PLGRKT: variants seen among roughly 807,000 people sequenced by gnomAD.
The protein encoded by PLGRKT is plasminogen receptor (KT).
PLGRKT carries 22 observed loss-of-function variants against 18.5 expected under a neutral mutation model. That is an observed-to-expected ratio of 1.19 (90% confidence interval 0.85 to 1.70). The LOEUF (loss-of-function observed/expected upper bound fraction) is 1.70. Among genes scored for constraint, PLGRKT ranks in the 40% most tolerant of loss-of-function variants. PLGRKT has a pLI of 0.00. For missense variants in PLGRKT, 235 were observed against 174.4 expected (o/e 1.35, Z -1.96); for synonymous variants, 72 against 52.8 (o/e 1.36, Z -1.58).
intron 3 of PLGRKT, among the ~76,000 whole-genome samples, chr9:5,396,550 C>T (rs1818052897): frequency 6.6e-6 from 1 of 151,966 alleles, no homozygotes; most frequent in Non-Finnish European, 1.5e-5. Flanking sequence ...CCACCTCAGC[C>T]TCGCAAAGTG....
rs1212711128 is a variant in PLGRKT, at chr9:5,418,035, TGTG to T, written c.81+13859_81+13861del. Among the ~76,000 whole-genome samples the T allele has an allele frequency of 1.3e-5, 2 of 152,234 alleles. No homozygotes were observed. Among genetic ancestry groups the T allele is most frequent in the Non-Finnish European group, 2.9e-5 (2 of 68,044 alleles). On this transcript the variant is annotated intron_variant, in intron 3 of 5. Coordinates refer to ENST00000223864, the MANE Select transcript of PLGRKT (RefSeq NM_018465.4). The surrounding 1 kb of genome is among the most constrained non-coding windows in gnomAD (Gnocchi z 4.2). ...TCGAGAAGATCACATTGTACGCACTTGTGGAGTTTAACGTCTAAGTAGAATATG... is the reference window on the plus strand; with the variant it reads ...TCGAGAAGATCACATTGTACGCACTTGAGTTTAACGTCTAAGTAGAATATG...
At chr9:5,425,236 C>A (rs1818673297) in intron 3 of PLGRKT, among the ~76,000 whole-genome samples, 1 of 152,100 alleles carries the variant, frequency 6.6e-6, no homozygotes, top group African/African-American at 2.4e-5. Flanking sequence ...CTCCTAGTGG[C>A]ATTTTAAGGA....
chr9:5,416,498 CTACA>C (rs1017874627), intron 3 of PLGRKT, among the ~76,000 whole-genome samples: 2 of 152,060 alleles, frequency 1.3e-5, no homozygotes, highest in East Asian at 1.9e-4. Flanking sequence ...ACCTGAAACC[CTACA>C]TATAGTAGGC....
At chr9:5,410,177 A>G (rs528498919) in intron 3 of PLGRKT, among the ~76,000 whole-genome samples, 4 of 152,220 alleles carry the variant, frequency 2.6e-5, no homozygotes, top group Admixed American at 6.5e-5. Context: ...ATTTTCAAGT[A>G]TAAAAGTTTA....
At chr9:5,377,700 G>A (rs1817656827) in intron 3 of PLGRKT, among the ~76,000 whole-genome samples, 1 of 152,124 alleles carries the variant, frequency 6.6e-6, no homozygotes, top group African/African-American at 2.4e-5. Context: ...GAAGCTCCAA[G>A]CTTGGAAATA....
At chr9:5,416,030 T>C (rs766055280) in intron 3 of PLGRKT, among the ~76,000 whole-genome samples, 29 of 152,120 alleles carry the variant, frequency 1.9e-4, no homozygotes, top group Non-Finnish European at 3.7e-4. Context: ...ACAATGACTT[T>C]GTAAATTGTT....
At position 5,361,031 on chromosome 9, in the gene PLGRKT, T is replaced by C. The variant is rs113732789; in HGVS notation, c.322+47A>G. The C allele has an allele frequency of 2.6e-4, 263 of 998,822 alleles. 1 individual carries two copies. The African/African-American group carries it at 3.8e-3, about 14-fold the overall frequency. The allele number at this position is 998,822 out of a possible 1,614,324, so 61.9% of individuals were successfully genotyped here. A position where few individuals can be genotyped will look rare whatever the true frequency, so the allele number is the denominator to read the frequency against. ...GTTCCTAAGGCAGGGATCCTTGAAA[T>C]GGAAAATAAATCAGCAAATAGAAAC... On this transcript the variant is annotated intron_variant, in intron 5 of 5. Transcript: ENST00000223864.
chr9:5,400,318 G>T (rs933893878), intron 3 of PLGRKT, among the ~76,000 whole-genome samples: 1 of 151,836 alleles, frequency 6.6e-6, no homozygotes, highest in Non-Finnish European at 1.5e-5. Context: ...GCTTCAAATT[G>T]TGGGGTGCAT....
At chr9:5,408,506 G>A (rs1212610806) in intron 3 of PLGRKT, among the ~76,000 whole-genome samples, 2 of 152,236 alleles carry the variant, frequency 1.3e-5, no homozygotes, top group African/African-American at 2.4e-5. Flanking sequence ...GCTTCTAGCA[G>A]CCTAGGCTCA....
In PLGRKT at chr9:5,388,293, G is replaced by T. The variant is rs910082732; in HGVS notation, c.82-26405C>A. Among the ~76,000 whole-genome samples the T allele has an allele frequency of 4.6e-5, 7 of 151,840 alleles. No individual in the cohort carries two copies. The South Asian group carries it at 1.5e-3, about 31-fold the overall frequency. On this transcript the variant is annotated intron_variant, in intron 3 of 5. Transcript: ENST00000223864. ...GGTTTCCCAGGAACAACTGAGGAAT[G>T]TTTTTCAAGGAGGGAGAGATCAACT...
intron 3 of PLGRKT, among the ~76,000 whole-genome samples, chr9:5,383,757 G>C (rs954666163): frequency 6.6e-6 from 1 of 152,182 alleles, no homozygotes; most frequent in South Asian, 2.1e-4. Flanking sequence ...GATCTGGCAG[G>C]AGGTGGAGCT....
chr9:5,358,017 T>G lies in PLGRKT; in HGVS notation c.*222A>C, dbSNP rs1817176162. The G allele has an allele frequency of 2.7e-6, 1 of 373,592 alleles. No homozygotes were observed. The highest frequency in any genetic ancestry group is 2.1e-5 in the African/African-American group (1 of 48,238). 23.1% of individuals were successfully genotyped at this position (373,592 alleles called of 1,614,324 possible). A position where few individuals can be genotyped will look rare whatever the true frequency, so the allele number is the denominator to read the frequency against. On this transcript the variant is annotated 3_prime_UTR_variant, in exon 6 of 6. Transcript: ENST00000223864. ...TATTAATTTTACACTTAGATATTGG[T>G]AATGCACACAGAGAGAGGAAATCTA...
At chr9:5,387,385 C>T (rs553657126) in intron 3 of PLGRKT, among the ~76,000 whole-genome samples, 1 of 151,786 alleles carries the variant, frequency 6.6e-6, no homozygotes, top group Non-Finnish European at 1.5e-5. Context: ...TAGACTCAAA[C>T]TGGAATTAAT....
At chr9:5,362,642 C>A (rs1284394358) in intron 3 of PLGRKT, among the ~76,000 whole-genome samples, 1 of 152,016 alleles carries the variant, frequency 6.6e-6, no homozygotes, top group African/African-American at 2.4e-5. Flanking sequence ...ATGTCATTAG[C>A]CAAGCTAGAG....
chr9:5,381,803 C>A (rs1231351241), intron 3 of PLGRKT: 3 of 832,268 alleles, frequency 3.6e-6, no homozygotes, highest in Admixed American at 6.2e-5. Flanking sequence ...ACATGGCCAA[C>A]AATTGTAGTT....
At chr9:5,391,068 A>G (rs1264313541) in intron 3 of PLGRKT, among the ~76,000 whole-genome samples, 1 of 151,950 alleles carries the variant, frequency 6.6e-6, no homozygotes, top group Admixed American at 6.6e-5. Flanking sequence ...GCACATCCCA[A>G]TAGCCAGAAA....
chr9:5,382,437 G>A (rs1817765202), intron 3 of PLGRKT, among the ~76,000 whole-genome samples: 1 of 152,282 alleles, frequency 6.6e-6, no homozygotes, highest in Non-Finnish European at 1.5e-5. Flanking sequence ...TAGGAATGAG[G>A]GGCGAGAAAT....
At chr9:5,377,224 C>A (rs1327814833) in intron 3 of PLGRKT, among the ~76,000 whole-genome samples, 2 of 150,360 alleles carry the variant, frequency 1.3e-5, no homozygotes, top group Non-Finnish European at 3.0e-5. Flanking sequence ...ATATAAAATT[C>A]TTTTAGAGAG....
At chr9:5,436,210 C>T (rs2131186859) in intron 2 of PLGRKT, among the ~76,000 whole-genome samples, 1 of 152,334 alleles carries the variant, frequency 6.6e-6, no homozygotes, top group Non-Finnish European at 1.5e-5. Flanking sequence ...CCAGAACCTG[C>T]CTGAGGTTAG....
Sources: gnomAD v4.1 joint callset for allele counts (sites outside exome capture counted in the v4.1 genomes callset) on GRCh38, gnomAD v4.1.1 for gene constraint, Gnocchi (gnomAD v3.1) non-coding constraint, MANE v1.5 for transcripts, NCBI Gene and HGNC (gene_info 2026-07-23, HGNC 2026-07-21) for gene names.